ZMYM1: variants seen among roughly 807,000 people sequenced by gnomAD.
ZMYM1 encodes zinc finger MYM-type containing 1.
ZMYM1 carries 39 observed loss-of-function variants against 60.0 expected under a neutral mutation model. The ratio of observed to expected loss-of-function variants is 0.65; its 90% CI spans 0.50 to 0.85. The LOEUF (loss-of-function observed/expected upper bound fraction) is 0.85, where lower values mean the gene tolerates loss of function less well. Among genes scored for constraint, ZMYM1 ranks in the 40% least tolerant of loss-of-function variants. The probability of loss-of-function intolerance (pLI) is 0.00; values close to 1 mark genes in which losing one functional copy is unlikely to be tolerated. For missense variants in ZMYM1, 1,171 were observed against 1,309.5 expected, an observed-to-expected ratio of 0.89 and a Z score of 1.63; for synonymous variants, 413 against 454.0, an observed-to-expected ratio of 0.91 and a Z score of 1.15.
chr1:35,084,318 T>C (rs1221402242), intron 1 of ZMYM1, among the ~76,000 whole-genome samples: 2 of 152,224 alleles, frequency 1.3e-5, no homozygotes, highest in African/African-American at 2.4e-5. Flanking sequence ...ATTGCCATTT[T>C]TTTCCAGTCA....
At chr1:35,085,687 T>G (rs1642616567) in intron 1 of ZMYM1, among the ~76,000 whole-genome samples, 1 of 152,228 alleles carries the variant, frequency 6.6e-6, no homozygotes, top group Non-Finnish European at 1.5e-5. Flanking sequence ...AGAGCTCTCT[T>G]GGGCCTGCCC....
intron 3 of ZMYM1, among the ~76,000 whole-genome samples, chr1:35,096,310 TAA>T (rs570507284): frequency 1.6e-4 from 20 of 121,946 alleles, no homozygotes; most frequent in Non-Finnish European, 1.7e-4. Context: ...AGACTCTGTC[TAA>T]AAAAAAAAAA....
chr1:35,113,456 TCATTCGAAACAG>T lies in ZMYM1; in HGVS notation c.1627_1638del (p.His543_Gln546del). The T allele has an allele frequency of 6.2e-7, 1 of 1,613,562 alleles. No homozygotes were observed. Among genetic ancestry groups the T allele is most frequent in the Non-Finnish European group, 8.5e-7 (1 of 1,179,878 alleles). On this transcript the variant is annotated inframe_deletion, in exon 10 of 10. Transcript: ENST00000359858. Reference sequence around the variant, plus strand: ...GAGCTGTCAGTGACGATTTATCTATTCATTCGAAACAGATTGAGGGAAATAAAAAGTACCTAA... The same window carrying T: ...GAGCTGTCAGTGACGATTTATCTATTATTGAGGGAAATAAAAAGTACCTAA...
chr1:35,117,894 C>T (rs553064091), downstream of ZMYM1, among the ~76,000 whole-genome samples: 6 of 152,102 alleles, frequency 3.9e-5, no homozygotes, highest in Admixed American at 6.5e-5. Flanking sequence ...GAGCTGAGAT[C>T]GTGCAATTGC....
chr1:35,068,649 AATAT>A (rs1191097052), intron 1 of ZMYM1, among the ~76,000 whole-genome samples: 4 of 145,282 alleles, frequency 2.8e-5, no homozygotes, highest in African/African-American at 7.7e-5. Flanking sequence ...CAAAAAAAAA[AATAT>A]ATATATATAT....
chr1:35,095,723 G>C, intron 2 of ZMYM1, 96 bp from the exon 3 acceptor site: 3 of 1,053,474 alleles, frequency 2.8e-6, no homozygotes, highest in Non-Finnish European at 4.1e-6. Context: ...TCATTGACCA[G>C]ACTTGACCAC....
intron 1 of ZMYM1, among the ~76,000 whole-genome samples, chr1:35,073,827 G>C (rs1374979371): frequency 6.6e-6 from 1 of 151,914 alleles, no homozygotes; most frequent in South Asian, 2.1e-4. Context: ...GTTGTTTGTC[G>C]CTCTGTCCCC....
At chr1:35,091,430 A>G (rs536279693) in intron 1 of ZMYM1, among the ~76,000 whole-genome samples, 55 of 151,998 alleles carry the variant, frequency 3.6e-4, no homozygotes, top group Middle Eastern at 3.4e-3. Flanking sequence ...AGCCAGGATG[A>G]TCTTGATCTC....
intron 1 of ZMYM1, among the ~76,000 whole-genome samples, chr1:35,080,283 C>T (rs1000063030): frequency 6.6e-6 from 1 of 151,684 alleles, no homozygotes; most frequent in Non-Finnish European, 1.5e-5. Context: ...ACAACAGTCC[C>T]ACTCCTTCTA....
intron 6 of ZMYM1, among the ~76,000 whole-genome samples, chr1:35,106,608 C>CA (rs752085700): frequency 0.072 from 2,694 of 37,548 alleles, 239 homozygotes; most frequent in African/African-American, 0.16. Context: ...GACTCCGTCT[C>CA]AAAAAAAAAA....
At chr1:35,083,823 A>C (rs963244437) in intron 1 of ZMYM1, among the ~76,000 whole-genome samples, 3 of 151,852 alleles carry the variant, frequency 2.0e-5, no homozygotes, top group African/African-American at 7.3e-5. Context: ...GGGTCTCACT[A>C]TGTCACCCAG....
downstream of ZMYM1, among the ~76,000 whole-genome samples, chr1:35,118,011 A>G (rs1644266465): frequency 6.6e-6 from 1 of 151,898 alleles, no homozygotes. Flanking sequence ...AGGCTAAGGC[A>G]GGCGGATCAC....
At position 35,095,096 on chromosome 1, in the gene ZMYM1, T is replaced by C. The variant is rs370519482; in HGVS notation, c.97-723T>C. 9.2e-5 allele frequency among the ~76,000 whole-genome samples: 14 copies of C among 152,198 alleles called. No homozygotes were observed. The East Asian group carries it at 2.7e-3, about 29-fold the overall frequency. On this transcript the variant is annotated intron_variant, in intron 2 of 9. Transcript: ENST00000359858. ...TTCAGGCATAGATCAAGTTTAGATA[T>C]GGTGGCTATGAAATTGCCTCCTGCT...
chr1:35,101,541 A>G (rs1160169560), intron 4 of ZMYM1, among the ~76,000 whole-genome samples: 1 of 150,042 alleles, frequency 6.7e-6, no homozygotes, highest in Middle Eastern at 3.2e-3. Flanking sequence ...CTCCCTTCCC[A>G]TCTGGCTGGT....
In ZMYM1 at chr1:35,085,216, T is replaced by G. The variant is rs182240682; in HGVS notation, c.-75+5774T>G. Among the ~76,000 whole-genome samples the G allele has an allele frequency of 4.6e-4, 70 of 152,030 alleles. 1 individual carries two copies. Among genetic ancestry groups the G allele is most frequent in the African/African-American group, 1.5e-3 (62 of 41,478 alleles). ...GTGCCCACTACCACGCCTGGCTAAT[T>G]TTTTGTATTTTTAGTAGAGACAGGG... On this transcript the variant is annotated intron_variant, in intron 1 of 9. Coordinates refer to ENST00000359858, the MANE Select transcript of ZMYM1 (RefSeq NM_024772.5).
At chr1:35,110,595 A>C in intron 7 of ZMYM1, 148 bp downstream of exon 7, 1 of 718,846 alleles carries the variant, frequency 1.4e-6, no homozygotes, top group African/African-American at 1.9e-5. Context: ...ACTGTTTTTC[A>C]GTATTTTTGT....
chr1:35,069,788 T>C (rs1055460257), intron 1 of ZMYM1, among the ~76,000 whole-genome samples: 10 of 152,208 alleles, frequency 6.6e-5, no homozygotes, highest in African/African-American at 1.9e-4. Flanking sequence ...GGAGTCTAGC[T>C]TCATTCTTGT....
chr1:35,072,603 T>C (rs1642086466), intron 1 of ZMYM1, among the ~76,000 whole-genome samples: 1 of 152,160 alleles, frequency 6.6e-6, no homozygotes, highest in Non-Finnish European at 1.5e-5. Context: ...GGTTTAGTTT[T>C]TTCTTGTTTT....
At chr1:35,081,798 T>G (rs1007113885) in intron 1 of ZMYM1, among the ~76,000 whole-genome samples, 8 of 152,186 alleles carry the variant, frequency 5.3e-5, no homozygotes, top group Admixed American at 3.9e-4. Context: ...CAGGTTCAAG[T>G]GATTCTCCTG....
Sources: allele counts gnomAD v4.1 joint callset (sites outside exome capture counted in the v4.1 genomes callset), GRCh38; gene constraint gnomAD v4.1.1; transcripts MANE v1.5; gene names NCBI Gene and HGNC (gene_info 2026-07-23, HGNC 2026-07-21).